The following GALNT13 variants were observed in gnomAD, a reference collection of about 807,000 sequenced individuals.
GALNT13 encodes polypeptide N-acetylgalactosaminyltransferase 13.
GALNT13 carries 28 observed loss-of-function variants against 64.2 expected under a neutral mutation model. The observed-to-expected ratio is 0.44, with a 90% CI of 0.32 to 0.60. The LOEUF is 0.60. Among genes scored for constraint, GALNT13 ranks in the 20% least tolerant of loss-of-function variants. The probability of loss-of-function intolerance (pLI) is 0.05; values close to 1 mark genes in which losing one functional copy is unlikely to be tolerated. For synonymous variants in GALNT13, 214 were observed against 224.6 expected (o/e 0.95, Z 0.42); for missense variants, 577 against 669.8 (o/e 0.86, Z 1.53).
At chr2:154,056,377 A>G (rs1332268470) in intron 3 of GALNT13, among the ~76,000 whole-genome samples, 3 of 152,144 alleles carry the variant, frequency 2.0e-5, no homozygotes, top group Admixed American at 6.5e-5. Flanking sequence ...GCATCTTTAT[A>G]TTTTTAATCT....
chr2:153,377,362 A>G, the GALNT13 span, among the ~76,000 whole-genome samples: 1 of 152,014 alleles, frequency 6.6e-6, no homozygotes, highest in Non-Finnish European at 1.5e-5. Flanking sequence ...TCCCCACCAA[A>G]TCTCATCTTG....
chr2:153,779,367 G>C, the GALNT13 span, among the ~76,000 whole-genome samples: 1 of 152,118 alleles, frequency 6.6e-6, no homozygotes, highest in African/African-American at 2.4e-5. Flanking sequence ...TCAAGTTATA[G>C]ACTTGACACA....
chr2:153,940,658 C>T (rs1328942038), intron 2 of GALNT13, among the ~76,000 whole-genome samples: 2 of 152,076 alleles, frequency 1.3e-5, no homozygotes, highest in African/African-American at 4.8e-5. Flanking sequence ...GTTTATCAGC[C>T]CATAAACCAA....
chr2:153,706,727 C>T, the GALNT13 span, among the ~76,000 whole-genome samples: 1 of 152,156 alleles, frequency 6.6e-6, no homozygotes, highest in Non-Finnish European at 1.5e-5. Context: ...TTTTCAACTT[C>T]CATTTCAAAT....
the GALNT13 span, among the ~76,000 whole-genome samples, chr2:153,345,643 CTT>C: frequency 1.1e-3 from 109 of 99,180 alleles, 1 homozygote; most frequent in South Asian, 3.5e-3. Context: ...CTTTTTCTTT[CTT>C]TCTTTCTTTC....
chr2:154,453,293 G>C lies in GALNT13; in HGVS notation c.*2742G>C, dbSNP rs1701940959. 1 of 151,834 alleles carries C rather than the reference G, an allele frequency of 6.6e-6. No individual in the cohort carries two copies. 9.4% of individuals were successfully genotyped at this position (151,834 alleles called of 1,614,324 possible). On this transcript the variant is annotated 3_prime_UTR_variant, in exon 13 of 13. Transcript: ENST00000392825. Reference sequence around the variant, plus strand: ...GACTTCTCCCTCCGGTGGCCTTCAAGGTCCTTTATGAGTGTTACCCCTCTA... The same window carrying C: ...GACTTCTCCCTCCGGTGGCCTTCAACGTCCTTTATGAGTGTTACCCCTCTA...
the GALNT13 span, among the ~76,000 whole-genome samples, chr2:153,685,110 A>G: frequency 2.4e-4 from 37 of 152,032 alleles, no homozygotes; most frequent in Admixed American, 1.4e-3. Flanking sequence ...TAGTGCTGCA[A>G]TGAACATATG....
At chr2:154,363,884 G>A (rs16836780) in intron 9 of GALNT13, among the ~76,000 whole-genome samples, 4,955 of 152,214 alleles carry the variant, frequency 0.033, 123 homozygotes, top group Middle Eastern at 0.072. Context: ...AGGCATAGAC[G>A]TCTCAATCCC....
At chr2:153,374,270 A>C in the GALNT13 span, among the ~76,000 whole-genome samples, 1 of 152,210 alleles carries the variant, frequency 6.6e-6, no homozygotes, top group African/African-American at 2.4e-5. Context: ...CCTGTTAGCC[A>C]TCCAAACAAG....
the GALNT13 span, among the ~76,000 whole-genome samples, chr2:153,751,061 T>G: frequency 5.3e-5 from 8 of 152,120 alleles, no homozygotes; most frequent in African/African-American, 1.9e-4. Flanking sequence ...AATTTCTTCA[T>G]TGACCCACTG....
chr2:154,041,903 A>G lies in GALNT13; in HGVS notation c.142+97264A>G, dbSNP rs1173422504. Among the ~76,000 whole-genome samples, 7 of 140,216 alleles carry G rather than the reference A, an allele frequency of 5.0e-5. 2 individuals carry two copies. Among genetic ancestry groups the G allele is most frequent in the Non-Finnish European group, 9.8e-5 (6 of 61,118 alleles). 92.0% of individuals were successfully genotyped at this position (140,216 alleles called of 152,430 possible). On this transcript the variant is annotated intron_variant, in intron 3 of 12. Coordinates refer to ENST00000392825, the MANE Select transcript of GALNT13 (RefSeq NM_052917.4). ...TGTGCAATCTGTTACACCAACCAAA[A>G]ATAAGATTGAACCGAGATATGATTT...
the GALNT13 span, among the ~76,000 whole-genome samples, chr2:153,275,480 G>C: frequency 6.6e-6 from 1 of 152,096 alleles, no homozygotes; most frequent in Non-Finnish European, 1.5e-5. Context: ...CACCATGAGA[G>C]GATGCACCAA....
At chr2:153,396,314 A>T in the GALNT13 span, among the ~76,000 whole-genome samples, 1 of 152,124 alleles carries the variant, frequency 6.6e-6, no homozygotes, top group Non-Finnish European at 1.5e-5. Flanking sequence ...AAAATTTAAA[A>T]TACAAAATCC....
chr2:154,374,448 TG>T (rs1347282502), intron 9 of GALNT13, among the ~76,000 whole-genome samples: 1 of 152,166 alleles, frequency 6.6e-6, no homozygotes, highest in Non-Finnish European at 1.5e-5. Flanking sequence ...GATGAGCTGT[TG>T]GAAGAGTTAG....
the GALNT13 span, among the ~76,000 whole-genome samples, chr2:153,620,081 C>G: frequency 1.3e-5 from 2 of 151,950 alleles, no homozygotes; most frequent in African/African-American, 4.8e-5. Flanking sequence ...GGAAATAACT[C>G]TTAGATTTTC....
the GALNT13 span, among the ~76,000 whole-genome samples, chr2:153,584,353 A>T: frequency 6.6e-6 from 1 of 152,104 alleles, no homozygotes; most frequent in Non-Finnish European, 1.5e-5. Flanking sequence ...AACCCAGTCC[A>T]CCACGTGGGA....
intron 4 of GALNT13, among the ~76,000 whole-genome samples, chr2:154,143,156 A>G (rs1439126806): frequency 6.6e-6 from 1 of 152,246 alleles, no homozygotes; most frequent in Non-Finnish European, 1.5e-5. Context: ...CAGGCATTAG[A>G]TTCTCATAAG....
chr2:154,201,919 TC>T (rs1263254030), intron 4 of GALNT13, among the ~76,000 whole-genome samples: 1 of 152,176 alleles, frequency 6.6e-6, no homozygotes, highest in Non-Finnish European at 1.5e-5. Context: ...CCTTGATGCT[TC>T]AAGACTCAGC....
At chr2:153,453,607 C>A in the GALNT13 span, among the ~76,000 whole-genome samples, 2 of 152,090 alleles carry the variant, frequency 1.3e-5, no homozygotes, top group Admixed American at 6.6e-5. Context: ...ATTAAAAAGT[C>A]AAACAACAGC....
Sources: allele counts gnomAD v4.1 joint callset (sites outside exome capture counted in the v4.1 genomes callset), GRCh38; gene constraint gnomAD v4.1.1; transcripts MANE v1.5; gene names NCBI Gene and HGNC (gene_info 2026-07-23, HGNC 2026-07-21).